The following ZFPM2 variants were observed in gnomAD, a reference collection of about 807,000 sequenced individuals.
ZFPM2 encodes zinc finger protein ZFPM2.
Under a neutral mutation model 98.6 loss-of-function variants are expected in ZFPM2, and 20 were observed. The observed-to-expected ratio is 0.20, with a 90% CI of 0.14 to 0.29. The LOEUF (loss-of-function observed/expected upper bound fraction) is 0.29, where lower values mean the gene tolerates loss of function less well. ZFPM2 is among the 10% of genes least tolerant of loss of function. The pLI, the probability that ZFPM2 is intolerant of heterozygous loss-of-function variation, is 1.00. For synonymous variants in ZFPM2, 518 were observed against 502.7 expected, an observed-to-expected ratio of 1.03 and a Z score of -0.41; for missense variants, 1,310 against 1,388.6, an observed-to-expected ratio of 0.94 and a Z score of 0.90.
At chr8:105,433,879 C>T (rs375332478) in intron 2 of ZFPM2, among the ~76,000 whole-genome samples, 21 of 152,268 alleles carry the variant, frequency 1.4e-4, no homozygotes, top group African/African-American at 2.6e-4. Context: ...TCCTCATCTG[C>T]GGTCCTCAAA....
intron 4 of ZFPM2, among the ~76,000 whole-genome samples, chr8:105,617,787 G>A (rs1261925100): frequency 6.6e-6 from 1 of 152,070 alleles, no homozygotes; most frequent in African/African-American, 2.4e-5. Context: ...TTCTACTTAT[G>A]ATTGGAAACA....
intron 5 of ZFPM2, among the ~76,000 whole-genome samples, chr8:105,745,121 G>A (rs948840582): frequency 2.0e-5 from 3 of 151,964 alleles, no homozygotes; most frequent in Non-Finnish European, 4.4e-5. Context: ...TCTTTATACC[G>A]GATAACCCTA....
intron 3 of ZFPM2, among the ~76,000 whole-genome samples, chr8:105,543,764 A>G (rs1336188584): frequency 6.6e-6 from 1 of 152,086 alleles, no homozygotes; most frequent in Non-Finnish European, 1.5e-5. Context: ...TTCAAGTAGT[A>G]TTTATTAAAT....
intron 5 of ZFPM2, among the ~76,000 whole-genome samples, chr8:105,736,953 A>C (rs954818220): frequency 6.6e-6 from 1 of 152,062 alleles, no homozygotes; most frequent in Non-Finnish European, 1.5e-5. Flanking sequence ...ACTCATTAAT[A>C]GTTCATAGTT....
intron 1 of ZFPM2, among the ~76,000 whole-genome samples, chr8:105,336,814 T>C (rs1396918423): frequency 6.6e-6 from 1 of 151,678 alleles, no homozygotes; most frequent in East Asian, 1.9e-4. Flanking sequence ...TAGATATCTA[T>C]AAACCAGTAA....
intron 5 of ZFPM2, among the ~76,000 whole-genome samples, chr8:105,770,054 A>C (rs1812947490): frequency 6.6e-6 from 1 of 150,852 alleles, no homozygotes; most frequent in African/African-American, 2.4e-5. Context: ...TTATATTTTA[A>C]TTTTCTCAGG....
intron 3 of ZFPM2, among the ~76,000 whole-genome samples, chr8:105,501,687 A>T (rs1263646185): frequency 1.3e-5 from 2 of 150,274 alleles, no homozygotes; most frequent in Non-Finnish European, 3.0e-5. Context: ...CAGTTTCACC[A>T]TCTTGGCCAG....
At chr8:105,359,194 TTC>T (rs760124263) in intron 1 of ZFPM2, among the ~76,000 whole-genome samples, 24 of 151,618 alleles carry the variant, frequency 1.6e-4, no homozygotes, top group Admixed American at 1.4e-3. Flanking sequence ...CATGCTCGAC[TTC>T]TCTCTCTCTC....
intron 2 of ZFPM2, among the ~76,000 whole-genome samples, chr8:105,429,016 G>A (rs534994577): frequency 6.6e-6 from 1 of 152,116 alleles, no homozygotes. Flanking sequence ...CAGACAGTAG[G>A]CTGTGATTAT....
chr8:105,606,453 C>G (rs1586145474), intron 4 of ZFPM2, among the ~76,000 whole-genome samples: 1 of 152,006 alleles, frequency 6.6e-6, no homozygotes, highest in African/African-American at 2.4e-5. Flanking sequence ...TCTGTCACTG[C>G]TGAGCTTGTG....
intron 1 of ZFPM2, among the ~76,000 whole-genome samples, chr8:105,370,252 G>A (rs750131580): frequency 2.6e-5 from 4 of 152,144 alleles, no homozygotes; most frequent in Non-Finnish European, 4.4e-5. Flanking sequence ...GATAGCATAC[G>A]TAAATTGCAC....
chr8:105,448,261 G>A (rs1244294879), intron 3 of ZFPM2, among the ~76,000 whole-genome samples: 2 of 151,822 alleles, frequency 1.3e-5, no homozygotes, highest in African/African-American at 2.4e-5. Context: ...CAGAACATTT[G>A]CTCTTCACTA....
At chr8:105,657,744 C>T (rs1360076756) in intron 5 of ZFPM2, among the ~76,000 whole-genome samples, 1 of 152,104 alleles carries the variant, frequency 6.6e-6, no homozygotes, top group Non-Finnish European at 1.5e-5. Context: ...ATATTTTGGC[C>T]AATGTTATAA....
intron 5 of ZFPM2, among the ~76,000 whole-genome samples, chr8:105,730,688 C>T (rs544336225): frequency 6.6e-6 from 1 of 151,176 alleles, no homozygotes; most frequent in South Asian, 2.1e-4. Context: ...TTAATACACA[C>T]AGTATATTAA....
chr8:105,747,943 A>G (rs1256911839), intron 5 of ZFPM2, among the ~76,000 whole-genome samples: 2 of 152,074 alleles, frequency 1.3e-5, no homozygotes, highest in East Asian at 1.9e-4. Flanking sequence ...GTGACAATCA[A>G]CTTTCTTAGT....
At chr8:105,674,284 T>G (rs1817648923) in intron 5 of ZFPM2, among the ~76,000 whole-genome samples, 1 of 152,236 alleles carries the variant, frequency 6.6e-6, no homozygotes, top group Non-Finnish European at 1.5e-5. Context: ...AGACTTCTTA[T>G]GAAATGGCCT....
At chr8:105,484,728 C>T (rs952593457) in intron 3 of ZFPM2, among the ~76,000 whole-genome samples, 7 of 152,086 alleles carry the variant, frequency 4.6e-5, no homozygotes, top group African/African-American at 1.2e-4. Flanking sequence ...CCTGTTTTAT[C>T]GTTAGGCTGA....
intron 3 of ZFPM2, among the ~76,000 whole-genome samples, chr8:105,492,626 A>G (rs1813379354): frequency 6.6e-6 from 1 of 152,164 alleles, no homozygotes; most frequent in Admixed American, 6.6e-5. Flanking sequence ...GTGAGATTTT[A>G]CTATTTGCTT....
At chr8:105,561,095 T>TA (rs1331698129) in intron 3 of ZFPM2, among the ~76,000 whole-genome samples, 6 of 152,194 alleles carry the variant, frequency 3.9e-5, no homozygotes, top group Non-Finnish European at 7.3e-5. Flanking sequence ...TTCTGGTTCT[T>TA]AAAGACTTAA....
Sources: allele counts gnomAD v4.1 joint callset (sites outside exome capture counted in the v4.1 genomes callset), GRCh38; gene constraint gnomAD v4.1.1; transcripts MANE v1.5; gene names NCBI Gene and HGNC (gene_info 2026-07-23, HGNC 2026-07-21).